ERN1: variants seen among roughly 807,000 people sequenced by gnomAD.
ERN1 encodes the protein serine/threonine-protein kinase/endoribonuclease IRE1.
In ERN1, 39 loss-of-function variants were observed where a neutral mutation model predicts 113.1. The ratio of observed to expected loss-of-function variants is 0.34; its 90% CI spans 0.27 to 0.45. ERN1 has a LOEUF of 0.45. ERN1 is among the 20% of genes least tolerant of loss of function. The pLI, the probability that ERN1 is intolerant of heterozygous loss-of-function variation, is 1.00. For missense variants in ERN1, 976 were observed against 1,274.8 expected (o/e 0.77, Z 3.57); for synonymous variants, 507 against 515.9 (o/e 0.98, Z 0.23).
Position 64,052,780 on chromosome 17 carries a change from AG to A in ERN1, c.2252del (p.Pro751LeufsTer17). On this transcript the variant is annotated frameshift_variant and splice_region_variant, in exon 17 of 22. Transcript: ENST00000433197. LOFTEE classifies it high-confidence loss of function. ...CAAAGGGCCATAGCCTATTACTCAC[AG>A]GGTTCTCCTTACAGTCTTCGCTCAG... ...EMLSEDCKEN[P>X]TYTVDIFSAG... 1 of 1,612,780 alleles carries A rather than the reference AG, an allele frequency of 6.2e-7. No homozygotes were observed. Among genetic ancestry groups the A allele is most frequent in the Non-Finnish European group, 8.5e-7 (1 of 1,178,950 alleles).
intron 1 of ERN1, among the ~76,000 whole-genome samples, chr17:64,105,201 G>A (rs1353436512): frequency 1.3e-5 from 2 of 152,028 alleles, no homozygotes; most frequent in African/African-American, 4.8e-5. Context: ...CTGCAGCCTT[G>A]AGGCTCAAGC....
chr17:64,116,833 G>T (rs1037395469), intron 1 of ERN1, among the ~76,000 whole-genome samples: 1 of 151,682 alleles, frequency 6.6e-6, no homozygotes. Context: ...GGCCGGGAGC[G>T]GTGGCTCATG....
At chr17:64,104,280 G>A (rs547965517) in intron 1 of ERN1, among the ~76,000 whole-genome samples, 101 of 152,186 alleles carry the variant, frequency 6.6e-4, no homozygotes, top group African/African-American at 2.2e-3. Flanking sequence ...AAAACACAGG[G>A]CTTGATTTCA....
At chr17:64,060,653 A>G (rs1003529364) in intron 10 of ERN1, 66 bp from the exon 11 acceptor site, 1 of 1,165,594 alleles carries the variant, frequency 8.6e-7, no homozygotes, top group African/African-American at 1.5e-5. Flanking sequence ...TCAATGCTAA[A>G]CTTAGGCAAC....
intron 1 of ERN1, among the ~76,000 whole-genome samples, chr17:64,109,665 G>A (rs74666219): frequency 5.9e-5 from 9 of 152,302 alleles, no homozygotes; most frequent in African/African-American, 2.2e-4. Context: ...GAAAAGGACC[G>A]AAGAGATTAC....
intron 6 of ERN1, among the ~76,000 whole-genome samples, chr17:64,071,038 AT>A (rs1913397529): frequency 6.6e-6 from 1 of 152,224 alleles, no homozygotes; most frequent in Non-Finnish European, 1.5e-5. Context: ...GGCACATTGA[AT>A]TTATAAATAT....
At chr17:64,078,664 T>C (rs144758725) in intron 4 of ERN1, among the ~76,000 whole-genome samples, 4 of 152,308 alleles carry the variant, frequency 2.6e-5, no homozygotes, top group African/African-American at 9.6e-5. Context: ...GAGTCAATAC[T>C]TTTATTCCTA....
At chr17:64,099,043 C>T (rs191348667) in intron 1 of ERN1, among the ~76,000 whole-genome samples, 2 of 152,116 alleles carry the variant, frequency 1.3e-5, no homozygotes, top group Non-Finnish European at 2.9e-5. Context: ...GGAAAAAGTT[C>T]TGTGCACAAT....
At chr17:64,125,207 T>G (rs1348192427) in intron 1 of ERN1, among the ~76,000 whole-genome samples, 1 of 152,186 alleles carries the variant, frequency 6.6e-6, no homozygotes, top group African/African-American at 2.4e-5. Flanking sequence ...AAGGCTTGTT[T>G]TTTATTTTTT....
intron 2 of ERN1, among the ~76,000 whole-genome samples, chr17:64,083,873 C>G (rs1234931590): frequency 6.6e-6 from 1 of 152,192 alleles, no homozygotes; most frequent in Non-Finnish European, 1.5e-5. Flanking sequence ...AATAACAAAA[C>G]AGACGTCCAC....
chr17:64,094,720 A>G (rs1422637039), intron 2 of ERN1, among the ~76,000 whole-genome samples: 1 of 150,316 alleles, frequency 6.7e-6, no homozygotes, highest in Non-Finnish European at 1.5e-5. Flanking sequence ...TGCTCAAATG[A>G]CACCTTCTCC....
intron 6 of ERN1, among the ~76,000 whole-genome samples, chr17:64,071,479 G>A (rs1177890281): frequency 6.6e-6 from 1 of 151,980 alleles, no homozygotes; most frequent in Non-Finnish European, 1.5e-5. Flanking sequence ...GGAGTGCAGT[G>A]GCTTGATCTT....
chr17:64,054,569 GC>G lies in ERN1; in HGVS notation c.1764-131del. Reference sequence around the variant, plus strand: ...GAGAGCCCCGCCTGACTGCCTGGTGGCCCCGGAATCATCGCTTGTCTCAGTG... The same window carrying G: ...GAGAGCCCCGCCTGACTGCCTGGTGGCCCGGAATCATCGCTTGTCTCAGTG... On this transcript the variant is annotated intron_variant, in intron 14 of 21. Coordinates refer to ENST00000433197, the MANE Select transcript of ERN1 (RefSeq NM_001433.5). This position sits in a 1 kb window ranked among gnomAD's most constrained non-coding sequence, Gnocchi z 4.9. 1 of 1,059,036 alleles carries G rather than the reference GC, an allele frequency of 9.4e-7. No homozygotes were observed. 65.6% of individuals were successfully genotyped at this position (1,059,036 alleles called of 1,614,324 possible). A position where few individuals can be genotyped will look rare whatever the true frequency, so the allele number is the denominator to read the frequency against.
At chr17:64,126,379 G>C (rs1249348381) in intron 1 of ERN1, among the ~76,000 whole-genome samples, 1 of 152,054 alleles carries the variant, frequency 6.6e-6, no homozygotes, top group Non-Finnish European at 1.5e-5. Context: ...GTTATCCAAG[G>C]ATTCTTTCAC....
At chr17:64,092,141 G>A (rs1184572138) in intron 2 of ERN1, among the ~76,000 whole-genome samples, 2 of 152,124 alleles carry the variant, frequency 1.3e-5, no homozygotes, top group Non-Finnish European at 2.9e-5. Flanking sequence ...ATTCACCTAG[G>A]AAATAAGTGC....
At chr17:64,087,507 A>G (rs1205545191) in intron 2 of ERN1, among the ~76,000 whole-genome samples, 3 of 152,102 alleles carry the variant, frequency 2.0e-5, no homozygotes, top group Admixed American at 6.6e-5. Flanking sequence ...GAAGTCCCCA[A>G]ACCAGTCCCT....
rs111334557 is a variant in ERN1, at chr17:64,044,098, C to T, written c.2824G>A (p.Ala942Thr). The stretch of plus-strand genomic sequence containing the variant: ...AGCTCCATGGCCCGGTAGGTGTGTG[C>T]GAGGAGGTGGGGGAAGCGAGATGTG... ...YFTSRFPHLL[A>T]HTYRAMELCS... The change falls in exon 22 of 22, where the codon GCA (alanine) becomes ACA (threonine). Residue 942 changes from alanine (A) to threonine (T), a missense_variant. By Grantham distance (58) the Ala-to-Thr change is moderately conservative. Transcript: ENST00000433197. The surrounding 1 kb of genome is among the most constrained non-coding windows in gnomAD (Gnocchi z 4.1). 3 of 1,612,744 alleles carry T rather than the reference C, an allele frequency of 1.9e-6. No individual in the cohort carries two copies. Among genetic ancestry groups the T allele is most frequent in the Admixed American group, 3.3e-5 (2 of 59,882 alleles).
chr17:64,067,694 A>G (rs891399650), intron 7 of ERN1, among the ~76,000 whole-genome samples: 3 of 152,160 alleles, frequency 2.0e-5, no homozygotes, highest in African/African-American at 7.2e-5. Flanking sequence ...GTCCTCAGAG[A>G]AAAACGAAAA....
chr17:64,111,228 A>G lies in ERN1; in HGVS notation c.55-12987T>C, dbSNP rs1270725362. On this transcript the variant is annotated intron_variant, in intron 1 of 21. Coordinates refer to ENST00000433197, the MANE Select transcript of ERN1 (RefSeq NM_001433.5). Reference sequence around the variant, plus strand: ...CAACATGATGTTCTGATATATGTACACATTGTGGAATGGCTATAATGATCC... The same window carrying G: ...CAACATGATGTTCTGATATATGTACGCATTGTGGAATGGCTATAATGATCC... 2.0e-5 allele frequency among the ~76,000 whole-genome samples: 3 copies of G among 152,342 alleles called. No homozygotes were observed. In the East Asian group the frequency reaches 5.8e-4, roughly 29 times the overall value.
Sources: allele counts gnomAD v4.1 joint callset (sites outside exome capture counted in the v4.1 genomes callset), GRCh38; gene constraint gnomAD v4.1.1; non-coding constraint Gnocchi (gnomAD v3.1); transcripts MANE v1.5; gene names NCBI Gene and HGNC (gene_info 2026-07-23, HGNC 2026-07-21).